The following DTNB variants were observed in gnomAD, a reference collection of about 807,000 sequenced individuals.
The protein encoded by DTNB is dystrobrevin beta, also known as DTN-B.
Under a neutral mutation model 90.7 loss-of-function variants are expected in DTNB, and 63 were observed. That is an observed-to-expected ratio of 0.69 (90% confidence interval 0.57 to 0.86). DTNB has a LOEUF of 0.86. DTNB is among the 40% of genes least tolerant of loss of function. The pLI, the probability that DTNB is intolerant of heterozygous loss-of-function variation, is 0.00. For missense variants in DTNB, 744 were observed against 807.1 expected (o/e 0.92, Z 0.95); for synonymous variants, 277 against 286.7 (o/e 0.97, Z 0.34).
At chr2:25,659,793 C>G (rs957709224) in intron 1 of DTNB, among the ~76,000 whole-genome samples, 1 of 151,918 alleles carries the variant, frequency 6.6e-6, no homozygotes, top group African/African-American at 2.4e-5. Context: ...TCTGCAAGCC[C>G]AATTCTACAA....
intron 12 of DTNB, among the ~76,000 whole-genome samples, chr2:25,443,659 C>T (rs1378689328): frequency 6.6e-6 from 1 of 152,152 alleles, no homozygotes; most frequent in South Asian, 2.1e-4. Context: ...GGATTGTCAC[C>T]CTCTCTCAAA....
intron 4 of DTNB, among the ~76,000 whole-genome samples, chr2:25,609,185 G>A (rs2067834875): frequency 1.3e-5 from 2 of 152,196 alleles, no homozygotes; most frequent in Admixed American, 1.3e-4. Context: ...ATTAGCCAGA[G>A]ATGGTATCTA....
chr2:25,509,361 A>T (rs1433519472), intron 9 of DTNB, among the ~76,000 whole-genome samples: 2 of 152,198 alleles, frequency 1.3e-5, no homozygotes, highest in East Asian at 1.9e-4. Flanking sequence ...GAGAGTTTTT[A>T]AAAATGTGAA....
At chr2:25,619,390 G>A (rs192398570) in intron 4 of DTNB, among the ~76,000 whole-genome samples, 107 of 152,290 alleles carry the variant, frequency 7.0e-4, no homozygotes, top group Admixed American at 5.9e-4. Flanking sequence ...ACAGTGAATG[G>A]ATGTTGCAAT....
chr2:25,391,882 G>T lies in DTNB; in HGVS notation c.1576-3521C>A, dbSNP rs1218186099. ...AAAATTCTTTGAACTGAATAATAGTGACAGAATCTATCAAAACCTTTGGGA... is the reference window on the plus strand; with the variant it reads ...AAAATTCTTTGAACTGAATAATAGTTACAGAATCTATCAAAACCTTTGGGA... On this transcript the variant is annotated intron_variant, in intron 16 of 20. Transcript: ENST00000406818. Among the ~76,000 whole-genome samples, 4 of 152,162 alleles carry T rather than the reference G, an allele frequency of 2.6e-5. No individual in the cohort carries two copies. In the East Asian group the frequency reaches 7.7e-4, roughly 29 times the overall value.
At chr2:25,428,374 TTATC>T (rs1385737064) in intron 14 of DTNB, among the ~76,000 whole-genome samples, 2 of 152,162 alleles carry the variant, frequency 1.3e-5, no homozygotes, top group Admixed American at 6.6e-5. Context: ...TTCTCTCACT[TTATC>T]TAAGCACTCC....
intron 1 of DTNB, among the ~76,000 whole-genome samples, chr2:25,668,193 C>T (rs1178651345): frequency 4.6e-5 from 7 of 152,052 alleles, no homozygotes; most frequent in Admixed American, 4.6e-4. Flanking sequence ...GAGCCGAGAT[C>T]GCGCCACTGC....
At chr2:25,410,751 T>C (rs547599422) in intron 16 of DTNB, among the ~76,000 whole-genome samples, 3 of 152,144 alleles carry the variant, frequency 2.0e-5, no homozygotes, top group Non-Finnish European at 4.4e-5. Context: ...CTTCACTCAT[T>C]AGCTTCATGT....
At chr2:25,470,532 C>T (rs186126109) in intron 10 of DTNB, among the ~76,000 whole-genome samples, 1 of 151,990 alleles carries the variant, frequency 6.6e-6, no homozygotes, top group Non-Finnish European at 1.5e-5. Context: ...TCCACCACCA[C>T]ACCCAGCTAA....
rs2041176691 is a variant in DTNB at position 25,391,723 on chromosome 2, CT to C, written c.1576-3363del. 7.2e-5 allele frequency among the ~76,000 whole-genome samples: 11 copies of C among 152,232 alleles called. No homozygotes were observed. The South Asian group carries it at 2.3e-3, about 32-fold the overall frequency. On this transcript the variant is annotated intron_variant, in intron 16 of 20. Transcript: ENST00000406818. ...GAAAACCAAAATCATATCAAGCACT[CT>C]ATCAGACGACATTAGAATAAAATTG...
intron 5 of DTNB, among the ~76,000 whole-genome samples, chr2:25,602,923 C>T (rs1017781703): frequency 9.9e-5 from 15 of 152,120 alleles, no homozygotes; most frequent in Admixed American, 9.8e-4. Flanking sequence ...CACTTTTGGA[C>T]ACTAAAGATG....
intron 19 of DTNB, among the ~76,000 whole-genome samples, chr2:25,380,443 A>C (rs2037327212): frequency 6.6e-6 from 1 of 152,236 alleles, no homozygotes; most frequent in African/African-American, 2.4e-5. Context: ...TATAATGTGG[A>C]GAGCCAAACA....
chr2:25,472,649 C>G (rs950922522), intron 10 of DTNB, among the ~76,000 whole-genome samples: 1 of 152,194 alleles, frequency 6.6e-6, no homozygotes, highest in African/African-American at 2.4e-5. Flanking sequence ...TTTTGGAGGC[C>G]GAGGTAGGTA....
intron 4 of DTNB, among the ~76,000 whole-genome samples, chr2:25,608,353 G>C (rs183685492): frequency 6.6e-6 from 1 of 152,006 alleles, no homozygotes; most frequent in Admixed American, 6.6e-5. Context: ...TAGCCTATAC[G>C]CTAGAAAATT....
chr2:25,576,328 C>T (rs2060677481), intron 8 of DTNB, among the ~76,000 whole-genome samples: 1 of 151,100 alleles, frequency 6.6e-6, no homozygotes, highest in Admixed American at 6.6e-5. Context: ...CGGGTTCACG[C>T]CATTCTCCTG....
intron 12 of DTNB, among the ~76,000 whole-genome samples, chr2:25,449,950 T>C (rs1574619993): frequency 6.6e-6 from 1 of 151,726 alleles, no homozygotes; most frequent in Admixed American, 6.6e-5. Flanking sequence ...TTTTAGTAGA[T>C]ATGGGGTTTC....
At chr2:25,514,672 G>GA (rs920091103) in intron 9 of DTNB, among the ~76,000 whole-genome samples, 1 of 140,410 alleles carries the variant, frequency 7.1e-6, no homozygotes, top group African/African-American at 2.6e-5. Flanking sequence ...AAACATCTTT[G>GA]AAAAAAATCT....
chr2:25,568,156 C>CA lies in DTNB; in HGVS notation c.876+8681dup, dbSNP rs11315733. On this transcript the variant is annotated intron_variant, in intron 8 of 20. Coordinates refer to ENST00000406818, the MANE Select transcript of DTNB (RefSeq NM_021907.5). ...CTGGCGACACAGGGAGACTCCGTCT[C>CA]AAAAAAAAAAAAAAGAGGAAAAGAA... is the stretch of plus-strand genomic sequence containing the variant. Among the ~76,000 whole-genome samples the CA allele has an allele frequency of 0.01, 955 of 91,358 alleles. 24 individuals carry two copies. The East Asian group carries it at 0.11, about 11-fold the overall frequency. The allele number at this position is 91,358 out of a possible 152,430, so 59.9% of individuals were successfully genotyped here.
intron 16 of DTNB, among the ~76,000 whole-genome samples, chr2:25,390,895 CT>C (rs34194776): frequency 3.9e-3 from 528 of 135,872 alleles, no homozygotes; most frequent in Middle Eastern, 7.6e-3. Flanking sequence ...TAGGTAATGA[CT>C]TTTTTTTTTT....
Sources: gnomAD v4.1 joint callset for allele counts (sites outside exome capture counted in the v4.1 genomes callset) on GRCh38, gnomAD v4.1.1 for gene constraint, MANE v1.5 for transcripts, NCBI Gene and HGNC (gene_info 2026-07-23, HGNC 2026-07-21) for gene names.